EDNRA: variants seen among roughly 807,000 people sequenced by gnomAD.
EDNRA encodes the protein endothelin-1 receptor.
EDNRA carries 11 observed loss-of-function variants against 41.4 expected under a neutral mutation model. That is an observed-to-expected ratio of 0.27 (90% CI 0.17 to 0.44). The LOEUF is 0.44. Ranked by LOEUF, EDNRA falls within the 20% of genes least tolerant of loss-of-function variation. EDNRA has a pLI of 1.00. For missense variants in EDNRA, 294 were observed against 531.0 expected (o/e 0.55, Z 4.39); for synonymous variants, 172 against 183.0 (o/e 0.94, Z 0.49).
intron 3 of EDNRA, among the ~76,000 whole-genome samples, chr4:147,531,309 G>A (rs1001463123): frequency 2.0e-5 from 3 of 152,010 alleles, no homozygotes; most frequent in African/African-American, 7.2e-5. Context: ...TCTAGCACAG[G>A]GCCATAATGG....
At chr4:147,504,140 T>A (rs1440815091) in intron 2 of EDNRA, among the ~76,000 whole-genome samples, 1 of 151,994 alleles carries the variant, frequency 6.6e-6, no homozygotes, top group Non-Finnish European at 1.5e-5. Context: ...CAAAAAAAAA[T>A]GTCGTTTAAA....
intron 3 of EDNRA, among the ~76,000 whole-genome samples, chr4:147,526,860 G>A (rs905548907): frequency 6.6e-6 from 1 of 152,192 alleles, no homozygotes. Context: ...TGAGATAGGA[G>A]GATCCCTTAA....
At chr4:147,498,408 T>G (rs1729389752) in intron 2 of EDNRA, among the ~76,000 whole-genome samples, 1 of 152,180 alleles carries the variant, frequency 6.6e-6, no homozygotes, top group Admixed American at 6.5e-5. Flanking sequence ...GAGCCCACTT[T>G]CAAGCACTGC....
intron 3 of EDNRA, among the ~76,000 whole-genome samples, chr4:147,523,657 A>G (rs897745440): frequency 2.0e-5 from 3 of 150,936 alleles, no homozygotes; most frequent in African/African-American, 7.3e-5. Context: ...CGCCCGGCTT[A>G]TTTTTTGTAT....
intron 3 of EDNRA, among the ~76,000 whole-genome samples, chr4:147,525,874 G>A (rs748053129): frequency 3.3e-5 from 5 of 152,238 alleles, no homozygotes; most frequent in Non-Finnish European, 5.9e-5. Flanking sequence ...GCTGATGTCA[G>A]TTCTTGAACC....
chr4:147,512,296 A>G (rs1729957084), intron 2 of EDNRA, among the ~76,000 whole-genome samples: 1 of 152,192 alleles, frequency 6.6e-6, no homozygotes, highest in East Asian at 1.9e-4. Context: ...TTGGGTGAAT[A>G]ATCTATCCTC....
At chr4:147,503,870 A>G (rs1399306170) in intron 2 of EDNRA, among the ~76,000 whole-genome samples, 1 of 151,902 alleles carries the variant, frequency 6.6e-6, no homozygotes, top group African/African-American at 2.4e-5. Context: ...AAAACTGATC[A>G]TTTTATAAAA....
chr4:147,533,197 A>T lies in EDNRA; in HGVS notation c.747+493A>T, dbSNP rs148815029. Among the ~76,000 whole-genome samples the T allele has an allele frequency of 2.6e-3, 395 of 152,352 alleles. 1 individual carries two copies. The highest frequency in any genetic ancestry group is 8.8e-3 in the African/African-American group (368 of 41,586). ...AAAGTAGAGAGTAGTACTTACATGT[A>T]CTTATATTAGTACGGTTTCTATGTC... On this transcript the variant is annotated intron_variant, in intron 4 of 7. Coordinates refer to ENST00000651419, the MANE Select transcript of EDNRA (RefSeq NM_001957.4).
intron 2 of EDNRA, among the ~76,000 whole-genome samples, chr4:147,515,507 T>C (rs1334844229): frequency 6.6e-6 from 1 of 151,442 alleles, no homozygotes; most frequent in African/African-American, 2.4e-5. Context: ...CTCTGGAGAG[T>C]CTCTATTAAT....
intron 3 of EDNRA, among the ~76,000 whole-genome samples, chr4:147,531,276 A>G (rs1172499055): frequency 6.6e-6 from 1 of 152,188 alleles, no homozygotes; most frequent in Admixed American, 6.5e-5. Flanking sequence ...GAACCAAAGT[A>G]TCTTTAAATA....
intron 2 of EDNRA, among the ~76,000 whole-genome samples, chr4:147,498,391 C>T (rs1238390220): frequency 6.6e-6 from 1 of 152,166 alleles, no homozygotes; most frequent in Non-Finnish European, 1.5e-5. Flanking sequence ...ACTAAGGTGA[C>T]CGTCCAGAGC....
intron 2 of EDNRA, chr4:147,494,060 C>A (rs1177557011): frequency 6.6e-6 from 1 of 152,170 alleles, no homozygotes; most frequent in African/African-American, 2.4e-5. Flanking sequence ...CAAGTCAAAT[C>A]TTGCATCTCA....
intron 2 of EDNRA, among the ~76,000 whole-genome samples, chr4:147,507,779 GT>G (rs1236525689): frequency 1.3e-5 from 2 of 152,112 alleles, no homozygotes; most frequent in African/African-American, 4.8e-5. Context: ...TTATATGAAG[GT>G]TTTAATTTCT....
At chr4:147,521,631 T>A (rs189971756) in intron 3 of EDNRA, among the ~76,000 whole-genome samples, 64 of 152,304 alleles carry the variant, frequency 4.2e-4, no homozygotes, top group Admixed American at 3.9e-3. Context: ...TATCTAAAAA[T>A]TAAAAGCATT....
At chr4:147,490,147 T>TCACACACACA (rs35106938) in intron 2 of EDNRA, 1 of 140,790 alleles carries the variant, frequency 7.1e-6, no homozygotes, top group East Asian at 2.1e-4. Flanking sequence ...TTACATACAC[T>TCACACACACA]CACACACACA....
intron 2 of EDNRA, among the ~76,000 whole-genome samples, chr4:147,499,797 C>CTTTTTTTTTTT (rs58464606): frequency 3.5e-5 from 3 of 85,352 alleles, no homozygotes; most frequent in African/African-American, 4.7e-5. Flanking sequence ...CTCTAAAAGT[C>CTTTTTTTTTTT]TTTTTTTTTT....
intron 2 of EDNRA, chr4:147,506,483 T>A (rs1408295555): frequency 5.7e-6 from 2 of 350,376 alleles, no homozygotes; most frequent in East Asian, 1.5e-4. Flanking sequence ...CAGCCAGTTT[T>A]GAACCTGTTG....
intron 4 of EDNRA, among the ~76,000 whole-genome samples, chr4:147,533,025 GTA>G (rs10608985): frequency 0.028 from 4,232 of 149,996 alleles, 71 homozygotes; most frequent in Admixed American, 0.052. Flanking sequence ...GTGTGTGTGT[GTA>G]TATATATATA....
chr4:147,544,359 T>C lies in EDNRA; in HGVS notation c.*1741T>C, dbSNP rs1731218995. ...TGATAAAGCAGTATTTGGGGTCATA[T>C]TGTTTCCTGTGCTGGAGCAAAAGTC... On this transcript the variant is annotated 3_prime_UTR_variant, in exon 8 of 8. Transcript: ENST00000651419. 1 of 152,998 alleles carries C rather than the reference T, an allele frequency of 6.5e-6. No individual in the cohort carries two copies. Among genetic ancestry groups the C allele is most frequent in the African/African-American group, 2.4e-5 (1 of 41,464 alleles). 9.5% of individuals were successfully genotyped at this position (152,998 alleles called of 1,614,324 possible).
Sources: allele counts gnomAD v4.1 joint callset (sites outside exome capture counted in the v4.1 genomes callset), GRCh38; gene constraint gnomAD v4.1.1; transcripts MANE v1.5; gene names NCBI Gene and HGNC (gene_info 2026-07-23, HGNC 2026-07-21).